ZNF471: variants seen among roughly 807,000 people sequenced by gnomAD.
ZNF471 encodes zinc finger protein 471.
ZNF471 carries 7 observed loss-of-function variants against 13.7 expected under a neutral mutation model. That is an observed-to-expected ratio of 0.51 (90% CI 0.29 to 0.96). The LOEUF is 0.96. ZNF471 is among the 40% of genes least tolerant of loss of function. The probability of loss-of-function intolerance (pLI) is 0.08; values close to 1 mark genes in which losing one functional copy is unlikely to be tolerated. For missense variants in ZNF471, 663 were observed against 743.3 expected (o/e 0.89, Z 1.26); for synonymous variants, 218 against 235.6 (o/e 0.93, Z 0.68).
chr19:56,521,749 G>T (rs918231774), intron 4 of ZNF471, among the ~76,000 whole-genome samples: 13 of 149,854 alleles, frequency 8.7e-5, no homozygotes, highest in African/African-American at 3.2e-4. Context: ...AGGAGTTCCA[G>T]ACCAGCCTGG....
chr19:56,525,094 A>G lies in ZNF471; in HGVS notation c.1027A>G (p.Lys343Glu). ...TCGACATCAGAGATGTCACACTGGC[A>G]AAAGACCCTATGAATGTATTGAGTG... ...FARHQRCHTG[K>E]RPYECIECGK... The change falls in exon 5 of 5, where the codon AAA becomes GAA. Residue 343 changes from lysine to glutamate, a missense_variant. Coordinates refer to ENST00000308031, the MANE Select transcript of ZNF471 (RefSeq NM_020813.4). The G allele has an allele frequency of 1.9e-6, 3 of 1,614,052 alleles. No individual in the cohort carries two copies. In the South Asian group the frequency reaches 3.3e-5, roughly 18 times the overall value.
chr19:56,525,597 T>A lies in ZNF471; in HGVS notation c.1530T>A (p.Thr510=). The A allele has an allele frequency of 6.2e-7, 1 of 1,613,976 alleles. No homozygotes were observed. Among genetic ancestry groups the A allele is most frequent in the Non-Finnish European group, 8.5e-7 (1 of 1,179,830 alleles). The stretch of plus-strand genomic sequence containing the variant: ...TGGCTACTCATCAGAGAATTCATAC[T>A]GGAGAGAAGCCTTATGAATGTATTG... ...SQLATHQRIH[T]GEKPYECIEC... Residue 510 remains threonine, a synonymous_variant, in exon 5 of 5, where the codon ACT becomes ACA. Transcript: ENST00000308031.
rs1399714044 is a variant in ZNF471 at position 56,516,580 on chromosome 19, A to G, written c.160+179A>G. On this transcript the variant is annotated intron_variant, in intron 3 of 4. Coordinates refer to ENST00000308031, the MANE Select transcript of ZNF471 (RefSeq NM_020813.4). The surrounding 1 kb of genome is among the most constrained non-coding windows in gnomAD (Gnocchi z 4.4). ...TTTAGAGTTAGTGAATTTGGAGAAT[A>G]TCAAATATTCCATGCATACACCCTT... Among the ~76,000 whole-genome samples, 2 of 152,234 alleles carry G rather than the reference A, an allele frequency of 1.3e-5. No homozygotes were observed. Among genetic ancestry groups the G allele is most frequent in the Non-Finnish European group, 2.9e-5 (2 of 68,038 alleles).
intron 3 of ZNF471, 85 bp from the exon 4 acceptor site, chr19:56,518,397 C>A: frequency 2.0e-6 from 2 of 980,028 alleles, no homozygotes; most frequent in Non-Finnish European, 3.1e-6. Flanking sequence ...CCTACTATAT[C>A]ATTCCACCAG....
intron 1 of ZNF471, chr19:56,511,090 C>A (rs370064072): frequency 2.0e-4 from 170 of 847,230 alleles, no homozygotes; most frequent in Non-Finnish European, 2.2e-4. Context: ...TTTCCTTTTT[C>A]TTTTGTTTTT....
At chr19:56,519,147 A>G (rs951711962) in intron 4 of ZNF471, among the ~76,000 whole-genome samples, 2 of 152,122 alleles carry the variant, frequency 1.3e-5, no homozygotes, top group African/African-American at 4.8e-5. Context: ...TTACAGGTAT[A>G]CCAAGCTACT....
chr19:56,525,408 T>G lies in ZNF471; in HGVS notation c.1341T>G (p.Thr447=), dbSNP rs764347946. The change falls in exon 5 of 5, where the codon ACT becomes ACG. Residue 447 remains threonine, a synonymous_variant. Transcript: ENST00000308031. ...ATTTTAGCCATCATGCATCACTCACTCAGCATCAAAGAGTACATTCTGGAG... is the reference window on the plus strand; with the variant it reads ...ATTTTAGCCATCATGCATCACTCACGCAGCATCAAAGAGTACATTCTGGAG... ...GKDFSHHASL[T]QHQRVHSGEK... 6.2e-7 allele frequency: 1 copy of G among 1,614,138 alleles called. No individual in the cohort carries two copies. The highest frequency in any genetic ancestry group is 8.5e-7 in the Non-Finnish European group (1 of 1,180,020).
At chr19:56,513,954 A>G (rs2043843619) in intron 2 of ZNF471, among the ~76,000 whole-genome samples, 1 of 151,956 alleles carries the variant, frequency 6.6e-6, no homozygotes. Flanking sequence ...AATATTTTAC[A>G]TTAGTGTGGT....
chr19:56,509,810 G>A (rs1470706949), intron 1 of ZNF471: 2 of 981,032 alleles, frequency 2.0e-6, no homozygotes, highest in Admixed American at 1.2e-4. Context: ...TGGAGTAGGA[G>A]AAACAGTTTG....
intron 1 of ZNF471, 90 bp from the exon 2 acceptor site, chr19:56,511,427 A>G: frequency 2.9e-6 from 3 of 1,018,352 alleles, no homozygotes; most frequent in Non-Finnish European, 4.2e-6. Context: ...GATCAACCAA[A>G]GCTGGGAAGA....
chr19:56,513,936 C>T (rs2043843453), intron 2 of ZNF471, among the ~76,000 whole-genome samples: 1 of 151,960 alleles, frequency 6.6e-6, no homozygotes, highest in South Asian at 2.1e-4. Context: ...CACCAAGCTT[C>T]CCCTATTAAT....
rs530906104 is a variant in ZNF471, at chr19:56,511,533, C to G, written c.-39C>G. On this transcript the variant is annotated 5_prime_UTR_variant, in exon 2 of 5. Transcript: ENST00000308031. ...TTCCTTCAGCCTTGCCCTCCCAAGA[C>G]ACTGTTCTTCAAGAGAAAGACCAGA... 1 of 1,613,556 alleles carries G rather than the reference C, an allele frequency of 6.2e-7. No individual in the cohort carries two copies. Among genetic ancestry groups the G allele is most frequent in the South Asian group, 1.1e-5 (1 of 91,006 alleles).
At chr19:56,517,981 CAT>C (rs763439169) in intron 3 of ZNF471, among the ~76,000 whole-genome samples, 8 of 152,074 alleles carry the variant, frequency 5.3e-5, no homozygotes, top group Non-Finnish European at 7.4e-5. Context: ...GTTTTTAAAT[CAT>C]GTGCTATTTC....
At chr19:56,513,031 C>G (rs925950724) in intron 2 of ZNF471, among the ~76,000 whole-genome samples, 2 of 152,066 alleles carry the variant, frequency 1.3e-5, no homozygotes, top group Admixed American at 1.3e-4. Flanking sequence ...AGATACAGAC[C>G]TTTTAGTTTG....
In ZNF471 at chr19:56,508,224, G is replaced by A. The variant is rs1485738784; in HGVS notation, c.-56+304G>A. 2 of 844,692 alleles carry A rather than the reference G, an allele frequency of 2.4e-6. No individual in the cohort carries two copies. The highest frequency in any genetic ancestry group is 3.0e-4 in the East Asian group (2 of 6,570). The allele number at this position is 844,692 out of a possible 1,614,324, so 52.3% of individuals were successfully genotyped here. A position where few individuals can be genotyped will look rare whatever the true frequency, so the allele number is the denominator to read the frequency against. ...AGTGTGAGGCTCCGTGAGAGGGTGT[G>A]GTTTCTGTGTGTGTGTGTGTGTGTG... On this transcript the variant is annotated intron_variant, in intron 1 of 4. Transcript: ENST00000308031. The surrounding 1 kb of genome is among the most constrained non-coding windows in gnomAD (Gnocchi z 4.7).
chr19:56,509,714 GGTGTGTGTGTGTGTGTGTGTGT>G (rs34707423), intron 1 of ZNF471: 7 of 178,328 alleles, frequency 3.9e-5, no homozygotes, highest in Non-Finnish European at 6.1e-5. Flanking sequence ...TTGCTTGCCT[GGTGTGTGTGTGTGTGTGTGTGT>G]GTGTGTGTGT....
intron 4 of ZNF471, among the ~76,000 whole-genome samples, chr19:56,519,600 TCA>T (rs2147919319): frequency 6.6e-6 from 1 of 152,330 alleles, no homozygotes; most frequent in East Asian, 1.9e-4. Flanking sequence ...AAAGGGCATA[TCA>T]ATATATGCCC....
Position 56,524,029 on chromosome 19 carries a change from G to T in ZNF471, c.257-295G>T, listed in dbSNP as rs2147927689. On this transcript the variant is annotated intron_variant, in intron 4 of 4. Transcript: ENST00000308031. The surrounding 1 kb of genome is among the most constrained non-coding windows in gnomAD (Gnocchi z 4.8). ...TGCAGAGATGGTGTTTTGCCATGTT[G>T]CCCAGGCTGGTCTTGAACTCCTGGG... is the stretch of plus-strand genomic sequence containing the variant. Among the ~76,000 whole-genome samples the T allele has an allele frequency of 6.6e-6, 1 of 152,134 alleles. No individual in the cohort carries two copies. The highest frequency in any genetic ancestry group is 1.9e-4 in the East Asian group (1 of 5,168).
rs778959653 is a variant in ZNF471 at position 56,508,094 on chromosome 19, C to G, written c.-56+174C>G. ...GTACTCGAGTCTGCGGGGCGGAGGCCGCGGCTCGGGGCTGCTGGGCGTTCG... is the reference window on the plus strand; with the variant it reads ...GTACTCGAGTCTGCGGGGCGGAGGCGGCGGCTCGGGGCTGCTGGGCGTTCG... On this transcript the variant is annotated intron_variant, in intron 1 of 4. Coordinates refer to ENST00000308031, the MANE Select transcript of ZNF471 (RefSeq NM_020813.4). The surrounding 1 kb of genome is among the most constrained non-coding windows in gnomAD (Gnocchi z 4.7). 4 of 984,920 alleles carry G rather than the reference C, an allele frequency of 4.1e-6. No individual in the cohort carries two copies. The highest frequency in any genetic ancestry group is 4.8e-6 in the Non-Finnish European group (4 of 829,612). The allele number at this position is 984,920 out of a possible 1,614,324, so 61.0% of individuals were successfully genotyped here.
Sources: allele counts gnomAD v4.1 joint callset (sites outside exome capture counted in the v4.1 genomes callset), GRCh38; gene constraint gnomAD v4.1.1; non-coding constraint Gnocchi (gnomAD v3.1); transcripts MANE v1.5; gene names NCBI Gene and HGNC (gene_info 2026-07-23, HGNC 2026-07-21).